KIT: variants seen among roughly 807,000 people sequenced by gnomAD.
KIT encodes mast/stem cell growth factor receptor Kit.
Under a neutral mutation model 105.7 loss-of-function variants are expected in KIT, and 16 were observed. That is an observed-to-expected ratio of 0.15 (90% confidence interval 0.10 to 0.23). The LOEUF (loss-of-function observed/expected upper bound fraction) is 0.23. Ranked by LOEUF, KIT falls within the 10% of genes least tolerant of loss-of-function variation. KIT has a pLI of 1.00. For synonymous variants in KIT, 438 were observed against 441.1 expected (o/e 0.99, Z 0.09); for missense variants, 858 against 1,213.8 (o/e 0.71, Z 4.36).
intron 1 of KIT, among the ~76,000 whole-genome samples, chr4:54,673,337 G>T (rs768268601): frequency 6.6e-6 from 1 of 151,934 alleles, no homozygotes; most frequent in East Asian, 1.9e-4. Flanking sequence ...TTTTAACCGC[G>T]TCATAATTCA....
intron 7 of KIT, among the ~76,000 whole-genome samples, chr4:54,713,259 C>A (rs1057184618): frequency 6.6e-6 from 1 of 151,996 alleles, no homozygotes; most frequent in Non-Finnish European, 1.5e-5. Flanking sequence ...TCCCTCACCC[C>A]CCTCCCACCC....
At chr4:54,658,936 C>T (rs946994712) in intron 1 of KIT, among the ~76,000 whole-genome samples, 3 of 152,188 alleles carry the variant, frequency 2.0e-5, no homozygotes, top group African/African-American at 7.2e-5. Context: ...TTGCCGCCTG[C>T]TCCGGGAAGG....
intron 13 of KIT, among the ~76,000 whole-genome samples, chr4:54,728,991 G>A (rs919589239): frequency 1.3e-5 from 2 of 152,248 alleles, no homozygotes; most frequent in Middle Eastern, 3.4e-3. Flanking sequence ...GTGAAGCCCT[G>A]CTGTAAACAG....
intron 1 of KIT, among the ~76,000 whole-genome samples, chr4:54,687,460 A>G (rs183056938): frequency 1.1e-3 from 171 of 152,288 alleles, no homozygotes; most frequent in Admixed American, 3.8e-3. Flanking sequence ...AATAAAAAAA[A>G]GACTTACAAT....
chr4:54,699,549 C>T (rs1342190158), intron 3 of KIT, 81 bp from the exon 4 acceptor site: 51 of 1,473,118 alleles, frequency 3.5e-5, no homozygotes, highest in Admixed American at 5.1e-5. Flanking sequence ...GTAAGCTGTA[C>T]ACATTTGAGG....
In KIT at chr4:54,727,372, A is replaced by G. The variant is rs202230896; in HGVS notation, c.1648-44A>G. Reference sequence around the variant, plus strand: ...TCCAGAGTGCTCTAATGACTGAGACAATAATTATTAAAAGGTGATCTATTT... The same window carrying G: ...TCCAGAGTGCTCTAATGACTGAGACGATAATTATTAAAAGGTGATCTATTT... On this transcript the variant is annotated intron_variant, in intron 10 of 20. Coordinates refer to ENST00000288135, the MANE Select transcript of KIT (RefSeq NM_000222.3). The G allele has an allele frequency of 1.3e-3, 2,081 of 1,614,014 alleles. 4 individuals carry two copies. The highest frequency in any genetic ancestry group is 1.7e-3 in the Non-Finnish European group (1,949 of 1,179,856).
intron 7 of KIT, among the ~76,000 whole-genome samples, chr4:54,719,734 G>A (rs993273741): frequency 5.9e-5 from 9 of 152,214 alleles, no homozygotes; most frequent in African/African-American, 2.2e-4. Context: ...GCAGAGTTAT[G>A]TATCTTTAAA....
At chr4:54,669,122 C>T (rs932026591) in intron 1 of KIT, among the ~76,000 whole-genome samples, 1 of 152,086 alleles carries the variant, frequency 6.6e-6, no homozygotes, top group Non-Finnish European at 1.5e-5. Context: ...TGTTTCTCTA[C>T]TTATTTTAGT....
At chr4:54,670,109 A>G (rs17084623) in intron 1 of KIT, among the ~76,000 whole-genome samples, 2,221 of 152,206 alleles carry the variant, frequency 0.015, 55 homozygotes, top group African/African-American at 0.05. Flanking sequence ...TTGACTAGTG[A>G]TAGGTGTCTT....
At chr4:54,708,356 A>G (rs975228541) in intron 6 of KIT, among the ~76,000 whole-genome samples, 3 of 152,158 alleles carry the variant, frequency 2.0e-5, no homozygotes, top group Non-Finnish European at 4.4e-5. Context: ...ATGCAGGGAT[A>G]GACTGACCAG....
chr4:54,719,739 T>G (rs1721742133), intron 7 of KIT, among the ~76,000 whole-genome samples: 1 of 152,200 alleles, frequency 6.6e-6, no homozygotes, highest in Non-Finnish European at 1.5e-5. Context: ...GTTATGTATC[T>G]TTAAAGGCAA....
chr4:54,704,158 CA>C (rs1720637374), intron 5 of KIT, among the ~76,000 whole-genome samples: 1 of 152,176 alleles, frequency 6.6e-6, no homozygotes, highest in Non-Finnish European at 1.5e-5. Context: ...CCCCACCAAA[CA>C]AAACATAAGT....
At chr4:54,671,899 C>T (rs569484256) in intron 1 of KIT, among the ~76,000 whole-genome samples, 1 of 152,248 alleles carries the variant, frequency 6.6e-6, no homozygotes. Flanking sequence ...GGAAGCATGT[C>T]TCAAGCATCA....
At chr4:54,731,836 T>C (rs1323569738) in intron 15 of KIT, 35 bp from the exon 16 acceptor site, 1 of 1,611,078 alleles carries the variant, frequency 6.2e-7, no homozygotes, top group Non-Finnish European at 8.5e-7. Context: ...CCTTTATGGT[T>C]GTAATTGCTA....
chr4:54,729,232 A>C, intron 13 of KIT, 103 bp from the exon 14 acceptor site: 1 of 1,210,770 alleles, frequency 8.3e-7, no homozygotes, highest in Non-Finnish European at 1.2e-6. Context: ...GATCCACTGA[A>C]GCTGAATATT....
intron 1 of KIT, among the ~76,000 whole-genome samples, chr4:54,667,226 C>A (rs996692400): frequency 2.6e-5 from 4 of 152,142 alleles, no homozygotes; most frequent in Admixed American, 1.3e-4. Context: ...ATTTTGTGGT[C>A]ATGGCTCAGT....
At chr4:54,710,130 AC>A (rs1721049904) in intron 7 of KIT, among the ~76,000 whole-genome samples, 1 of 152,172 alleles carries the variant, frequency 6.6e-6, no homozygotes, top group Non-Finnish European at 1.5e-5. Context: ...CTGGGGTCCT[AC>A]CGACCCCACT....
intron 8 of KIT, 149 bp from the exon 9 acceptor site, chr4:54,725,708 A>G: frequency 1.3e-6 from 1 of 779,194 alleles, no homozygotes; most frequent in South Asian, 1.6e-5. Context: ...TAGGTCACCA[A>G]AGTGCTTATT....
At chr4:54,676,818 C>T (rs1172870025) in intron 1 of KIT, among the ~76,000 whole-genome samples, 2 of 152,112 alleles carry the variant, frequency 1.3e-5, no homozygotes, top group Non-Finnish European at 2.9e-5. Flanking sequence ...CAGCTCCTAT[C>T]CACCCATCTG....
Sources: allele counts gnomAD v4.1 joint callset (sites outside exome capture counted in the v4.1 genomes callset), GRCh38; gene constraint gnomAD v4.1.1; transcripts MANE v1.5; gene names NCBI Gene and HGNC (gene_info 2026-07-23, HGNC 2026-07-21).